Variants in LYPLAL1 observed in about 807,000 individuals in gnomAD.
The protein encoded by LYPLAL1 is lysophospholipase like 1.
Under a neutral mutation model 19.7 loss-of-function variants are expected in LYPLAL1, and 23 were observed. The ratio of observed to expected loss-of-function variants is 1.17; its 90% CI spans 0.84 to 1.65. The LOEUF is 1.65. Among genes scored for constraint, LYPLAL1 ranks in the 40% most tolerant of loss-of-function variants. The pLI, the probability that LYPLAL1 is intolerant of heterozygous loss-of-function variation, is 0.00. For synonymous variants in LYPLAL1, 119 were observed against 96.3 expected, an observed-to-expected ratio of 1.24 and a Z score of -1.38; for missense variants, 355 against 279.4, an observed-to-expected ratio of 1.27 and a Z score of -1.93.
chr1:219,181,269 G>A (rs1325454590), intron 2 of LYPLAL1, among the ~76,000 whole-genome samples: 1 of 152,048 alleles, frequency 6.6e-6, no homozygotes, highest in Non-Finnish European at 1.5e-5. Flanking sequence ...TTAAATAGTA[G>A]TAAAAATTAG....
rs1273890226 is a variant in LYPLAL1 at position 219,191,872 on chromosome 1, T to C, written c.192-1210T>C. On this transcript the variant is annotated intron_variant, in intron 2 of 4. Coordinates refer to ENST00000366928, the MANE Select transcript of LYPLAL1 (RefSeq NM_138794.5). ...AGAAAATGTGTTACAAAGTAATGTT[T>C]ATATGATTCTATTTGAGTAAATAAA... is the stretch of plus-strand genomic sequence containing the variant. 2.0e-5 allele frequency among the ~76,000 whole-genome samples: 3 copies of C among 151,828 alleles called. No individual in the cohort carries two copies. The East Asian group carries it at 5.8e-4, about 29-fold the overall frequency.
At chr1:219,314,433 AT>A in the LYPLAL1 span, among the ~76,000 whole-genome samples, 5 of 151,788 alleles carry the variant, frequency 3.3e-5, no homozygotes, top group Admixed American at 6.6e-5. Context: ...GAGAGTTTTT[AT>A]TTTTTTTCTT....
the LYPLAL1 span, among the ~76,000 whole-genome samples, chr1:219,225,748 G>T: frequency 6.6e-6 from 1 of 152,184 alleles, no homozygotes; most frequent in Non-Finnish European, 1.5e-5. Flanking sequence ...AAATTCTTTA[G>T]CTCAGCAGTA....
the LYPLAL1 span, among the ~76,000 whole-genome samples, chr1:219,226,985 G>A: frequency 1.3e-5 from 2 of 152,150 alleles, no homozygotes; most frequent in African/African-American, 2.4e-5. Context: ...AAGTACCAAC[G>A]TATACTTTAA....
At chr1:219,300,499 C>T in the LYPLAL1 span, among the ~76,000 whole-genome samples, 1 of 141,232 alleles carries the variant, frequency 7.1e-6, no homozygotes, top group Non-Finnish European at 1.6e-5. Flanking sequence ...AGGGGGGACG[C>T]TTTGTGAACC....
At chr1:219,384,660 G>T in the LYPLAL1 span, among the ~76,000 whole-genome samples, 3 of 152,190 alleles carry the variant, frequency 2.0e-5, no homozygotes, top group African/African-American at 7.2e-5. Context: ...GTGCTGTCAA[G>T]TATAGTATAA....
At chr1:219,300,178 A>G in the LYPLAL1 span, among the ~76,000 whole-genome samples, 4 of 152,126 alleles carry the variant, frequency 2.6e-5, no homozygotes, top group South Asian at 2.1e-4. Flanking sequence ...GGGACAAGGT[A>G]TATCTATGTT....
the LYPLAL1 span, among the ~76,000 whole-genome samples, chr1:219,264,753 G>A: frequency 6.6e-6 from 1 of 152,164 alleles, no homozygotes; most frequent in African/African-American, 2.4e-5. Context: ...TACAATGCCT[G>A]TGTGAGCTCC....
At chr1:219,219,927 A>G in the LYPLAL1 span, among the ~76,000 whole-genome samples, 1 of 143,306 alleles carries the variant, frequency 7.0e-6, no homozygotes, top group Non-Finnish European at 1.6e-5. Flanking sequence ...TGCTTGCAAC[A>G]GTTTGGGAGA....
the LYPLAL1 span, among the ~76,000 whole-genome samples, chr1:219,367,145 A>C: frequency 6.6e-6 from 1 of 152,128 alleles, no homozygotes; most frequent in African/African-American, 2.4e-5. Flanking sequence ...ACATTAGTCT[A>C]GTATATCAAC....
At chr1:219,409,296 A>G in the LYPLAL1 span, among the ~76,000 whole-genome samples, 1 of 152,086 alleles carries the variant, frequency 6.6e-6, no homozygotes, top group Non-Finnish European at 1.5e-5. Context: ...AAAAAGTACA[A>G]AAATTAGCCG....
the LYPLAL1 span, among the ~76,000 whole-genome samples, chr1:219,347,508 G>C: frequency 2.0e-5 from 3 of 152,266 alleles, no homozygotes; most frequent in Non-Finnish European, 4.4e-5. Context: ...AAACAAAGAA[G>C]ACTGTCCAGG....
the LYPLAL1 span, among the ~76,000 whole-genome samples, chr1:219,310,836 C>G: frequency 6.6e-6 from 1 of 152,200 alleles, no homozygotes; most frequent in Non-Finnish European, 1.5e-5. Flanking sequence ...CTCAGTTCAA[C>G]TACATGTTCT....
the LYPLAL1 span, among the ~76,000 whole-genome samples, chr1:219,357,001 G>T: frequency 2.0e-5 from 3 of 152,150 alleles, no homozygotes. Flanking sequence ...TCTTTAAGAA[G>T]TGAGTTTTCA....
At chr1:219,347,973 A>T in the LYPLAL1 span, among the ~76,000 whole-genome samples, 1 of 152,194 alleles carries the variant, frequency 6.6e-6, no homozygotes, top group Non-Finnish European at 1.5e-5. Context: ...GAAAAGAAAA[A>T]AAAATAAAAT....
the LYPLAL1 span, among the ~76,000 whole-genome samples, chr1:219,439,959 CTA>C: frequency 0.28 from 36,697 of 131,460 alleles, 5,160 homozygotes; most frequent in African/African-American, 0.34. Flanking sequence ...ACAAAACTGA[CTA>C]TATATATATA....
chr1:219,303,200 G>A, the LYPLAL1 span, among the ~76,000 whole-genome samples: 25 of 151,748 alleles, frequency 1.6e-4, no homozygotes, highest in Non-Finnish European at 3.4e-4. Context: ...ATTTATTTGT[G>A]CGTTTGTTTT....
the LYPLAL1 span, among the ~76,000 whole-genome samples, chr1:219,233,505 C>T: frequency 2.6e-5 from 4 of 152,144 alleles, no homozygotes; most frequent in East Asian, 7.7e-4. Flanking sequence ...TGCTGGCTCA[C>T]GCCTGTAATC....
At chr1:219,327,057 C>G in the LYPLAL1 span, among the ~76,000 whole-genome samples, 1 of 152,096 alleles carries the variant, frequency 6.6e-6, no homozygotes, top group Non-Finnish European at 1.5e-5. Context: ...CAAGATAGCA[C>G]CACTGCACAC....
Sources: allele counts gnomAD v4.1 joint callset (sites outside exome capture counted in the v4.1 genomes callset), GRCh38; gene constraint gnomAD v4.1.1; transcripts MANE v1.5; gene names NCBI Gene and HGNC (gene_info 2026-07-23, HGNC 2026-07-21).